The following WASHC4 variants were observed in gnomAD, a reference collection of about 807,000 sequenced individuals.
The protein encoded by WASHC4 is WASH complex subunit 7.
Under a neutral mutation model 166.6 loss-of-function variants are expected in WASHC4, and 86 were observed. The observed-to-expected ratio is 0.52, with a 90% CI of 0.43 to 0.62. The LOEUF (loss-of-function observed/expected upper bound fraction) is 0.62. Ranked by LOEUF, WASHC4 falls within the 20% of genes least tolerant of loss-of-function variation. The pLI is 0.00. For missense variants in WASHC4, 1,262 were observed against 1,382.4 expected, an observed-to-expected ratio of 0.91 and a Z score of 1.38; for synonymous variants, 446 against 451.6, an observed-to-expected ratio of 0.99 and a Z score of 0.16.
chr12:105,164,318 G>A lies in WASHC4; in HGVS notation c.3354+11G>A, dbSNP rs1884676368. 6.2e-7 allele frequency: 1 copy of A among 1,608,984 alleles called. No individual in the cohort carries two copies. The highest frequency in any genetic ancestry group is 8.5e-7 in the Non-Finnish European group (1 of 1,175,730). ...GATGTCTATCTACAGGTAGAGAGGA[G>A]CCTAAGAGTCACATCTGCTTTGACT... On this transcript the variant is annotated intron_variant, in intron 31 of 32. Transcript: ENST00000332180.
At chr12:105,138,922 A>G (rs961416209) in intron 15 of WASHC4, among the ~76,000 whole-genome samples, 6 of 152,274 alleles carry the variant, frequency 3.9e-5, no homozygotes, top group Admixed American at 3.3e-4. Context: ...AATGTTACCA[A>G]TATTTTCAAA....
At chr12:105,144,513 TAC>T in intron 21 of WASHC4, 58 bp downstream of exon 21, 5 of 1,397,856 alleles carry the variant, frequency 3.6e-6, no homozygotes, top group Non-Finnish European at 5.0e-6. Flanking sequence ...TTTTTTACCC[TAC>T]TGTTAAACAA....
In WASHC4 at chr12:105,144,334, T is replaced by G; in HGVS notation, c.2058T>G (p.Leu686=). ...LCKEIEKDLR[L]SVHTHLKLDD... ...AAGAAATAGAGAAAGATCTGCGACTTTCTGTGCATACTCATTTAAAGCTGG... is the reference window on the plus strand; with the variant it reads ...AAGAAATAGAGAAAGATCTGCGACTGTCTGTGCATACTCATTTAAAGCTGG... Residue 686 remains leucine, a synonymous_variant, in exon 21 of 33, where the codon CTT becomes CTG. Coordinates refer to ENST00000332180, the MANE Select transcript of WASHC4 (RefSeq NM_015275.3). The G allele has an allele frequency of 3.1e-6, 5 of 1,613,324 alleles. No individual in the cohort carries two copies. The highest frequency in any genetic ancestry group is 1.7e-6 in the Non-Finnish European group (2 of 1,179,432).
intron 10 of WASHC4, among the ~76,000 whole-genome samples, chr12:105,124,118 CT>C (rs544937988): frequency 0.025 from 3,448 of 138,878 alleles, 65 homozygotes; most frequent in Admixed American, 0.078. Context: ...GTAAATATAA[CT>C]TTTTTTTTTT....
intron 13 of WASHC4, among the ~76,000 whole-genome samples, chr12:105,127,930 C>T (rs1019773656): frequency 1.3e-5 from 2 of 152,092 alleles, no homozygotes; most frequent in African/African-American, 4.8e-5. Flanking sequence ...TAAAGAGCCC[C>T]TACGTTCCCA....
Position 105,149,711 on chromosome 12 carries a change from C to T in WASHC4, c.2611C>T (p.Arg871Ter), listed in dbSNP as rs377285773. The T allele has an allele frequency of 3.2e-6, 5 of 1,585,256 alleles. No individual in the cohort carries two copies. The highest frequency in any genetic ancestry group is 2.2e-5 in the East Asian group (1 of 44,458). ...CAAATCCAGATTGATTAAAGATATT[C>T]GATTTTTCAGGGAAATTAAGGACCA... ...HIKSRLIKDI[R>*]FFREIKDQND... Residue 871 changes from arginine to a stop codon, truncating the protein, a stop_gained, in exon 25 of 33, where the codon CGA (arginine) becomes TGA (stop). Coordinates refer to ENST00000332180, the MANE Select transcript of WASHC4 (RefSeq NM_015275.3). LOFTEE classifies it high-confidence loss of function.
intron 1 of WASHC4, 86 bp from the exon 2 acceptor site, chr12:105,111,039 T>A: frequency 4.2e-6 from 4 of 959,908 alleles, no homozygotes; most frequent in Non-Finnish European, 6.6e-6. Context: ...AACAGTGCTT[T>A]GCGTGACTTT....
chr12:105,131,083 T>A (rs1193892770), intron 13 of WASHC4, among the ~76,000 whole-genome samples: 1 of 147,746 alleles, frequency 6.8e-6, no homozygotes, highest in African/African-American at 2.5e-5. Context: ...TATTTATTTA[T>A]TTTTTTTTTT....
chr12:105,164,935 T>C (rs1884722119), intron 32 of WASHC4, among the ~76,000 whole-genome samples, 195 bp downstream of exon 32: 1 of 152,264 alleles, frequency 6.6e-6, no homozygotes, highest in African/African-American at 2.4e-5. Context: ...ATGTAGTTTA[T>C]GCATTTCACA....
At chr12:105,161,899 A>G (rs1475522543) in intron 29 of WASHC4, among the ~76,000 whole-genome samples, 1 of 152,272 alleles carries the variant, frequency 6.6e-6, no homozygotes, top group African/African-American at 2.4e-5. Flanking sequence ...TAAGTTAATT[A>G]AAATTTCATA....
chr12:105,162,873 T>C (rs550683910), intron 30 of WASHC4, 28 bp downstream of exon 30: 12 of 1,138,402 alleles, frequency 1.1e-5, no homozygotes, highest in Admixed American at 1.8e-5. Flanking sequence ...GTTTTTCCAT[T>C]AATTTTATAT....
At chr12:105,164,432 AAAAG>A (rs1884684776) in intron 31 of WASHC4, 125 bp downstream of exon 31, 1 of 917,022 alleles carries the variant, frequency 1.1e-6, no homozygotes, top group Non-Finnish European at 1.7e-6. Context: ...AATAGTGGCA[AAAAG>A]ATTATATTTT....
chr12:105,138,589 T>C (rs987345351), intron 15 of WASHC4, among the ~76,000 whole-genome samples: 1 of 152,166 alleles, frequency 6.6e-6, no homozygotes, highest in Admixed American at 6.5e-5. Context: ...AGAAAAAACC[T>C]GTAGGCAGGA....
chr12:105,115,791 C>A, intron 6 of WASHC4, 63 bp downstream of exon 6: 1 of 1,030,976 alleles, frequency 9.7e-7, no homozygotes, highest in Non-Finnish European at 1.5e-6. Flanking sequence ...TTACACAACA[C>A]GTAAAAAGTT....
intron 26 of WASHC4, among the ~76,000 whole-genome samples, chr12:105,153,449 C>G (rs1005179657): frequency 1.3e-5 from 2 of 152,090 alleles, no homozygotes; most frequent in Non-Finnish European, 2.9e-5. Context: ...AGGATTTTAC[C>G]TTTGTAAATG....
chr12:105,122,153 T>C lies in WASHC4; in HGVS notation c.701T>C (p.Phe234Ser). Residue 234 changes from phenylalanine to serine, a missense_variant, in exon 10 of 33, where the codon TTT becomes TCT. Coordinates refer to ENST00000332180, the MANE Select transcript of WASHC4 (RefSeq NM_015275.3). ...TCTGTCCATCACAATCCTTCAAAAT[T>C]TGGAATTCAGGAAGAAAAATTAAAG... The part of the protein sequence containing the change: ...LKSVHHNPSK[F>S]GIQEEKLKPF... The C allele has an allele frequency of 5.0e-6, 8 of 1,608,750 alleles. No individual in the cohort carries two copies. Among genetic ancestry groups the C allele is most frequent in the Non-Finnish European group, 6.8e-6 (8 of 1,175,650 alleles).
At chr12:105,118,364 A>T in intron 6 of WASHC4, 82 bp from the exon 7 acceptor site, 1 of 989,500 alleles carries the variant, frequency 1.0e-6, no homozygotes, top group Non-Finnish European at 1.6e-6. Flanking sequence ...TGTTTTTGTT[A>T]GAGTTGTTAC....
At chr12:105,129,901 A>G (rs961677722) in intron 13 of WASHC4, among the ~76,000 whole-genome samples, 2 of 152,240 alleles carry the variant, frequency 1.3e-5, no homozygotes, top group Non-Finnish European at 2.9e-5. Context: ...ACCATGTTCC[A>G]TAAAGCATGT....
intron 2 of WASHC4, 57 bp from the exon 3 acceptor site, chr12:105,114,159 T>A: frequency 6.6e-7 from 1 of 1,522,834 alleles, no homozygotes; most frequent in South Asian, 1.1e-5. Flanking sequence ...TTTGTGTTTT[T>A]AAAATTTCAG....
Sources: gnomAD v4.1 joint callset for allele counts (sites outside exome capture counted in the v4.1 genomes callset) on GRCh38, gnomAD v4.1.1 for gene constraint, MANE v1.5 for transcripts, NCBI Gene and HGNC (gene_info 2026-07-23, HGNC 2026-07-21) for gene names.